Variants in MAF observed in about 807,000 individuals in gnomAD.
The protein encoded by MAF is transcription factor Maf.
Under a neutral mutation model 22.0 loss-of-function variants are expected in MAF, and 10 were observed. That is an observed-to-expected ratio of 0.45 (90% CI 0.28 to 0.77). The LOEUF (loss-of-function observed/expected upper bound fraction) is 0.77. MAF is among the 30% of genes least tolerant of loss of function. MAF has a pLI of 0.12. For synonymous variants in MAF, 337 were observed against 255.8 expected (o/e 1.32, Z -3.03); for missense variants, 544 against 548.4 (o/e 0.99, Z 0.08).
chr16:79,502,694 TAAATATAAATATAA>T, the MAF span, among the ~76,000 whole-genome samples: 143 of 18,206 alleles, frequency 7.9e-3, 6 homozygotes, highest in African/African-American at 0.022. Context: ...AATATAAATA[TAAATATAAATATAA>T]ATATATATAT....
the MAF span, among the ~76,000 whole-genome samples, chr16:79,389,343 C>T: frequency 6.6e-6 from 1 of 152,148 alleles, no homozygotes; most frequent in African/African-American, 2.4e-5. Context: ...TTCACTACAA[C>T]CTCTGCCTCC....
chr16:79,211,982 G>A, the MAF span: 7 of 1,536,056 alleles, frequency 4.6e-6, no homozygotes, highest in Admixed American at 7.8e-5. Context: ...CTGGGGTAAA[G>A]TATCACTTTT....
At chr16:79,369,104 C>G in the MAF span, among the ~76,000 whole-genome samples, 1 of 152,230 alleles carries the variant, frequency 6.6e-6, no homozygotes. Context: ...AATTAATTCT[C>G]TTTCATTTAA....
At chr16:79,253,283 G>T in the MAF span, among the ~76,000 whole-genome samples, 1 of 152,138 alleles carries the variant, frequency 6.6e-6, no homozygotes, top group East Asian at 1.9e-4. Context: ...TCAGCCCCCA[G>T]CCTCCACCCC....
At chr16:79,343,867 T>C in the MAF span, among the ~76,000 whole-genome samples, 1 of 152,202 alleles carries the variant, frequency 6.6e-6, no homozygotes, top group African/African-American at 2.4e-5. Context: ...TTTTTCTTGA[T>C]AGACAACCTC....
chr16:79,535,908 T>C, the MAF span, among the ~76,000 whole-genome samples: 1 of 152,184 alleles, frequency 6.6e-6, no homozygotes, highest in Admixed American at 6.5e-5. Context: ...AGCAATAGTT[T>C]AGCTATATGT....
the MAF span, among the ~76,000 whole-genome samples, chr16:79,558,684 G>T: frequency 6.6e-6 from 1 of 152,100 alleles, no homozygotes; most frequent in East Asian, 1.9e-4. Flanking sequence ...AGGATACACC[G>T]TTGAGTGATG....
chr16:79,386,970 G>A, the MAF span, among the ~76,000 whole-genome samples: 1 of 152,154 alleles, frequency 6.6e-6, no homozygotes, highest in Non-Finnish European at 1.5e-5. Context: ...TTGGTTATAC[G>A]TTCAGCCATT....
chr16:79,595,192 G>C, intron 1 of MAF: 4 of 1,042,034 alleles, frequency 3.8e-6, no homozygotes, highest in Non-Finnish European at 4.6e-6. Context: ...ATGAGGGGAG[G>C]TTTACTATTA....
At chr16:79,254,087 T>C in the MAF span, among the ~76,000 whole-genome samples, 1 of 152,078 alleles carries the variant, frequency 6.6e-6, no homozygotes, top group South Asian at 2.1e-4. Flanking sequence ...AAAAATAAAA[T>C]GCGTCATGCA....
chr16:79,306,061 T>C, the MAF span, among the ~76,000 whole-genome samples: 1 of 152,230 alleles, frequency 6.6e-6, no homozygotes, highest in African/African-American at 2.4e-5. Flanking sequence ...GACCAAGTCA[T>C]GTGACCACTA....
At chr16:79,235,935 T>C in the MAF span, among the ~76,000 whole-genome samples, 1 of 151,942 alleles carries the variant, frequency 6.6e-6, no homozygotes, top group African/African-American at 2.4e-5. Context: ...CCGCCCAGAA[T>C]CCAGGGTGTC....
chr16:79,315,715 T>TGAAGAAGAA, the MAF span, among the ~76,000 whole-genome samples: 1 of 152,192 alleles, frequency 6.6e-6, no homozygotes, highest in South Asian at 2.1e-4. Context: ...CTCATATAGA[T>TGAAGAAGAA]GAAGAAGGTG....
At chr16:79,435,418 C>G in the MAF span, among the ~76,000 whole-genome samples, 2 of 152,232 alleles carry the variant, frequency 1.3e-5, no homozygotes, top group African/African-American at 4.8e-5. Flanking sequence ...CAGGTACCTT[C>G]TGTGGTCAAA....
chr16:79,217,759 G>A, the MAF span, among the ~76,000 whole-genome samples: 1 of 152,166 alleles, frequency 6.6e-6, no homozygotes, highest in Middle Eastern at 3.4e-3. Flanking sequence ...AGACCTTGCT[G>A]CAACTTATCA....
At chr16:79,257,005 C>A in the MAF span, among the ~76,000 whole-genome samples, 4 of 152,090 alleles carry the variant, frequency 2.6e-5, no homozygotes, top group Non-Finnish European at 5.9e-5. Context: ...GATGAAACCC[C>A]GTCTCTACTA....
the MAF span, among the ~76,000 whole-genome samples, chr16:79,420,941 G>A: frequency 4.6e-5 from 7 of 152,168 alleles, no homozygotes; most frequent in East Asian, 1.4e-3. Context: ...GGCTGAGACA[G>A]GAGAATCGCT....
chr16:79,412,899 C>T, the MAF span, among the ~76,000 whole-genome samples: 1 of 152,204 alleles, frequency 6.6e-6, no homozygotes, highest in South Asian at 2.1e-4. Flanking sequence ...GAGTCAGCAC[C>T]TTGGGCTTCG....
At chr16:79,311,875 C>T in the MAF span, among the ~76,000 whole-genome samples, 2 of 152,102 alleles carry the variant, frequency 1.3e-5, no homozygotes, top group Non-Finnish European at 2.9e-5. Flanking sequence ...AAAATGGGCA[C>T]ACGGACCTCA....
Sources: allele counts gnomAD v4.1 joint callset (sites outside exome capture counted in the v4.1 genomes callset), GRCh38; gene constraint gnomAD v4.1.1; transcripts MANE v1.5; gene names NCBI Gene and HGNC (gene_info 2026-07-23, HGNC 2026-07-21).